PCDHGA2: variants seen among roughly 807,000 people sequenced by gnomAD.
PCDHGA2 encodes the protein protocadherin gamma-A2.
Under a neutral mutation model 59.2 loss-of-function variants are expected in PCDHGA2, and 40 were observed. The observed-to-expected ratio is 0.68, with a 90% confidence interval of 0.52 to 0.88. The LOEUF (loss-of-function observed/expected upper bound fraction) is 0.88. Among genes scored for constraint, PCDHGA2 ranks in the 40% least tolerant of loss-of-function variants. PCDHGA2 has a pLI of 0.00. For synonymous variants in PCDHGA2, 560 were observed against 526.0 expected, an observed-to-expected ratio of 1.06 and a Z score of -0.89; for missense variants, 1,226 against 1,204.0, an observed-to-expected ratio of 1.02 and a Z score of -0.27.
At chr5:141,464,411 A>G (rs1029342220) in intron 1 of PCDHGA2, among the ~76,000 whole-genome samples, 3 of 151,624 alleles carry the variant, frequency 2.0e-5, no homozygotes, top group Admixed American at 6.6e-5. Flanking sequence ...AGATATATAT[A>G]TATCTATATA....
At chr5:141,510,277 A>C (rs1242709133) in intron 3 of PCDHGA2, among the ~76,000 whole-genome samples, 5 of 151,916 alleles carry the variant, frequency 3.3e-5, no homozygotes, top group Admixed American at 2.6e-4. Flanking sequence ...CATCTTAAAA[A>C]AAAAAAAAAA....
chr5:141,376,360 C>A lies in PCDHGA2; in HGVS notation c.2424+34965C>A, dbSNP rs1772602166. The stretch of plus-strand genomic sequence containing the variant: ...AGACCTATTCCCACGAGGTCTCACT[C>A]ACTGCAGACTCGCGTAAGAGTCATC... On this transcript the variant is annotated intron_variant, in intron 1 of 3. Transcript: ENST00000394576. 5 of 1,614,236 alleles carry A rather than the reference C, an allele frequency of 3.1e-6. No homozygotes were observed. In the African/African-American group the frequency reaches 6.7e-5, roughly 22 times the overall value.
intron 1 of PCDHGA2, among the ~76,000 whole-genome samples, chr5:141,459,962 C>T (rs994878993): frequency 5.3e-5 from 8 of 152,290 alleles, no homozygotes; most frequent in South Asian, 2.1e-4. Flanking sequence ...CCTGTAATCC[C>T]AGCTACTCAG....
intron 2 of PCDHGA2, among the ~76,000 whole-genome samples, chr5:141,501,365 A>G (rs1360125423): frequency 1.3e-5 from 2 of 151,500 alleles, no homozygotes; most frequent in Admixed American, 6.6e-5. Flanking sequence ...AACCATATTC[A>G]TCATCTCTTA....
intron 1 of PCDHGA2, chr5:141,357,548 A>G: frequency 6.2e-7 from 1 of 1,614,204 alleles, no homozygotes; most frequent in South Asian, 1.1e-5. Context: ...ATCAGCCGGG[A>G]GAGTTGTGAG....
chr5:141,447,514 C>T (rs901543835), intron 1 of PCDHGA2, among the ~76,000 whole-genome samples: 20 of 152,196 alleles, frequency 1.3e-4, no homozygotes, highest in Admixed American at 8.5e-4. Context: ...AGATGCATAA[C>T]AATCATAACA....
intron 1 of PCDHGA2, chr5:141,410,118 G>C: frequency 1.2e-6 from 2 of 1,612,422 alleles, no homozygotes; most frequent in African/African-American, 2.7e-5. Flanking sequence ...GACGCAGCCC[G>C]CCAGCGCCTG....
chr5:141,419,375 T>G (rs755252910), intron 1 of PCDHGA2: 1 of 1,613,728 alleles, frequency 6.2e-7, no homozygotes, highest in Admixed American at 1.7e-5. Context: ...GTCCTACGTG[T>G]CCGTGAGCGC....
chr5:141,376,578 AT>A (rs1281725359), intron 1 of PCDHGA2: 1 of 1,590,896 alleles, frequency 6.3e-7, no homozygotes, highest in South Asian at 1.1e-5. Flanking sequence ...AGACAGGCTC[AT>A]CAGCTAGATC....
At chr5:141,355,138 G>A (rs1759726918) in intron 1 of PCDHGA2, 1 of 1,524,966 alleles carries the variant, frequency 6.6e-7, no homozygotes. Context: ...AGAAGATCCT[G>A]GGGCTCCTCA....
At chr5:141,373,705 A>G (rs1023574849) in intron 1 of PCDHGA2, among the ~76,000 whole-genome samples, 2 of 152,224 alleles carry the variant, frequency 1.3e-5, no homozygotes, top group African/African-American at 4.8e-5. Flanking sequence ...AAATTATTCA[A>G]AATAATCTCT....
At chr5:141,374,520 C>G (rs1178494066) in intron 1 of PCDHGA2, 3 of 1,612,422 alleles carry the variant, frequency 1.9e-6, no homozygotes, top group Non-Finnish European at 2.5e-6. Flanking sequence ...CTCGAAAACG[C>G]AGCTCCATCC....
intron 1 of PCDHGA2, among the ~76,000 whole-genome samples, chr5:141,368,347 A>C (rs1019571086): frequency 1.3e-5 from 2 of 152,112 alleles, no homozygotes; most frequent in Non-Finnish European, 2.9e-5. Context: ...ATACATATAC[A>C]CACACATATA....
rs115990854 is a variant in PCDHGA2 at position 141,433,033 on chromosome 5, C to T, written c.2425-61774C>T. On this transcript the variant is annotated intron_variant, in intron 1 of 3. Coordinates refer to ENST00000394576, the MANE Select transcript of PCDHGA2 (RefSeq NM_018915.4). ...TGCAGACCTATTCCCACGAGGTTTC[C>T]CTCACCACGGACTCGCGGAAGAGTC... The T allele has an allele frequency of 6.4e-3, 10,342 of 1,614,162 alleles. 43 individuals are homozygous for T. The highest frequency in any genetic ancestry group is 8.6e-3 in the Middle Eastern group (52 of 6,062).
intron 1 of PCDHGA2, chr5:141,393,579 C>A: frequency 6.2e-7 from 1 of 1,613,888 alleles, no homozygotes; most frequent in South Asian, 1.1e-5. Flanking sequence ...TGAGAACATG[C>A]CCCCAGGCAC....
In PCDHGA2 at chr5:141,340,098, C is replaced by A; in HGVS notation, c.1127C>A (p.Ser376Tyr). 1 of 1,614,044 alleles carries A rather than the reference C, an allele frequency of 6.2e-7. No individual in the cohort carries two copies. The highest frequency in any genetic ancestry group is 8.5e-7 in the Non-Finnish European group (1 of 1,179,932). The change falls in exon 1 of 4, where the codon TCT becomes TAT. Residue 376 changes from serine (S) to tyrosine (Y), a missense_variant. Ser to Tyr is a moderately radical substitution (Grantham distance 144, BLOSUM62 -2). Coordinates refer to ENST00000394576, the MANE Select transcript of PCDHGA2 (RefSeq NM_018915.4). ...IGLFNVHDRD[S>Y]GQNAFTTCSL... is the part of the protein sequence containing the mutation. ...CTTTTTAATGTACATGATAGAGACT[C>A]TGGGCAGAACGCATTCACCACCTGT...
At chr5:141,417,052 CTT>C (rs1308339867) in intron 1 of PCDHGA2, 2 of 151,464 alleles carry the variant, frequency 1.3e-5, no homozygotes, top group African/African-American at 4.9e-5. Context: ...AAAAACTGCT[CTT>C]GACATTGTAG....
At chr5:141,423,123 A>C in intron 1 of PCDHGA2, 1 of 1,613,760 alleles carries the variant, frequency 6.2e-7, no homozygotes. Flanking sequence ...CAGCGCGGGC[A>C]CTGCTGGACA....
At chr5:141,389,640 G>A in intron 1 of PCDHGA2, 1 of 1,612,974 alleles carries the variant, frequency 6.2e-7, no homozygotes, top group Non-Finnish European at 8.5e-7. Flanking sequence ...TGGCTACTTG[G>A]TGACCAAGGT....
Sources: allele counts gnomAD v4.1 joint callset (sites outside exome capture counted in the v4.1 genomes callset), GRCh38; gene constraint gnomAD v4.1.1; transcripts MANE v1.5; gene names NCBI Gene and HGNC (gene_info 2026-07-23, HGNC 2026-07-21).